Variants in CSMD1 observed in about 807,000 individuals in gnomAD.
The protein encoded by CSMD1 is CUB and sushi domain-containing protein 1.
Under a neutral mutation model 417.5 loss-of-function variants are expected in CSMD1, and 213 were observed. The observed-to-expected ratio is 0.51, with a 90% CI of 0.46 to 0.57. The LOEUF is 0.57. CSMD1 is among the 20% of genes least tolerant of loss of function. The pLI, the probability that CSMD1 is intolerant of heterozygous loss-of-function variation, is 0.00. For synonymous variants in CSMD1, 2,862 were observed against 1,736.8 expected (o/e 1.65, Z -16.11); for missense variants, 6,923 against 4,529.7 (o/e 1.53, Z -15.17).
intron 26 of CSMD1, among the ~76,000 whole-genome samples, chr8:3,250,194 A>G (rs1052974287): frequency 7.2e-5 from 11 of 152,262 alleles, no homozygotes; most frequent in African/African-American, 2.4e-4. Flanking sequence ...GTCTCCAAAT[A>G]CTATCCCTCC....
intron 40 of CSMD1, among the ~76,000 whole-genome samples, chr8:3,149,445 C>T (rs1257345926): frequency 6.6e-6 from 1 of 152,016 alleles, no homozygotes; most frequent in African/African-American, 2.4e-5. Flanking sequence ...CGTGCCAAAC[C>T]CTGCACTAAT....
intron 5 of CSMD1, among the ~76,000 whole-genome samples, chr8:3,773,759 C>G (rs976703420): frequency 2.6e-5 from 4 of 152,106 alleles, no homozygotes; most frequent in Admixed American, 6.5e-5. Flanking sequence ...GACACTAACC[C>G]AGAATAAATA....
chr8:4,901,966 A>G (rs1190308856), intron 1 of CSMD1, among the ~76,000 whole-genome samples: 1 of 152,192 alleles, frequency 6.6e-6, no homozygotes, highest in African/African-American at 2.4e-5. Context: ...TCAAATACCA[A>G]AGACATAATG....
chr8:3,690,587 A>G (rs1467709824), intron 7 of CSMD1, among the ~76,000 whole-genome samples: 1 of 152,178 alleles, frequency 6.6e-6, no homozygotes, highest in Non-Finnish European at 1.5e-5. Flanking sequence ...CATCAGTGAG[A>G]TGTGATTCAA....
intron 12 of CSMD1, among the ~76,000 whole-genome samples, chr8:3,430,129 A>T (rs1175388360): frequency 3.9e-5 from 6 of 152,244 alleles, no homozygotes; most frequent in African/African-American, 1.4e-4. Context: ...ACACACATAC[A>T]TATACATACA....
At chr8:3,894,102 C>A (rs900601619) in intron 5 of CSMD1, among the ~76,000 whole-genome samples, 7 of 152,186 alleles carry the variant, frequency 4.6e-5, no homozygotes, top group Non-Finnish European at 8.8e-5. Context: ...TCACGGTGTT[C>A]CGTCTATTCT....
rs188719664 is a variant in CSMD1, at chr8:2,953,277, T to C, written c.10039+947A>G. 1.7e-4 allele frequency among the ~76,000 whole-genome samples: 26 copies of C among 152,296 alleles called. 1 individual carries two copies. Among genetic ancestry groups the C allele is most frequent in the African/African-American group, 4.1e-4 (17 of 41,582 alleles). ...CATTTTATATTCTTTATTATTCAGA[T>C]TGGAGAAATTCCTTTCATCATATTG... On this transcript the variant is annotated intron_variant, in intron 65 of 69. Transcript: ENST00000635120.
intron 10 of CSMD1, among the ~76,000 whole-genome samples, chr8:3,532,094 C>A (rs747595338): frequency 3.3e-5 from 5 of 152,176 alleles, no homozygotes; most frequent in Non-Finnish European, 7.4e-5. Context: ...CCCCTACATT[C>A]CACTTTGAGA....
intron 1 of CSMD1, among the ~76,000 whole-genome samples, chr8:4,874,705 T>C (rs1802941327): frequency 6.6e-6 from 1 of 151,864 alleles, no homozygotes; most frequent in Admixed American, 6.6e-5. Context: ...TGAATTTACT[T>C]ATTTTTGAAT....
chr8:3,338,759 T>C (rs1032897165), intron 23 of CSMD1, among the ~76,000 whole-genome samples: 7 of 152,128 alleles, frequency 4.6e-5, no homozygotes, highest in Non-Finnish European at 1.0e-4. Context: ...AGTTGCCATA[T>C]GGAATTGTGG....
chr8:3,772,393 A>G (rs1267103029), intron 5 of CSMD1, among the ~76,000 whole-genome samples: 3 of 128,700 alleles, frequency 2.3e-5, no homozygotes, highest in Admixed American at 8.2e-5. Context: ...ATATTTATAT[A>G]TACACATATA....
chr8:2,997,957 G>A, intron 54 of CSMD1, 54 bp downstream of exon 54: 1 of 1,533,404 alleles, frequency 6.5e-7, no homozygotes, highest in Middle Eastern at 2.2e-4. Context: ...GGTGTTACTG[G>A]GCAGCCTAGA....
intron 3 of CSMD1, among the ~76,000 whole-genome samples, chr8:4,262,040 T>C (rs1488042080): frequency 1.3e-5 from 2 of 152,228 alleles, no homozygotes; most frequent in Admixed American, 6.5e-5. Context: ...TTCCTTATTA[T>C]TGTCCCATAT....
chr8:3,312,689 G>C lies in CSMD1; in HGVS notation c.3632-4186C>G, dbSNP rs186415029. On this transcript the variant is annotated intron_variant, in intron 23 of 69. Coordinates refer to ENST00000635120, the MANE Select transcript of CSMD1 (RefSeq NM_033225.6). ...CCTAGAAATCTGAAGCTTCTACTTC[G>C]TGTCACTTGCGCCGTGAACCAGCTT... Among the ~76,000 whole-genome samples the C allele has an allele frequency of 3.3e-3, 499 of 152,226 alleles. 2 individuals are homozygous for C. Among genetic ancestry groups the C allele is most frequent in the Non-Finnish European group, 5.5e-3 (373 of 68,024 alleles).
intron 52 of CSMD1, among the ~76,000 whole-genome samples, chr8:3,009,534 G>C (rs606218): frequency 0.12 from 17,856 of 152,042 alleles, 2,952 homozygotes; most frequent in African/African-American, 0.37. Context: ...AGGTGCATCA[G>C]ATTCACTTAT....
chr8:4,066,555 G>A (rs1008160392), intron 3 of CSMD1, among the ~76,000 whole-genome samples: 2 of 152,128 alleles, frequency 1.3e-5, no homozygotes, highest in Non-Finnish European at 2.9e-5. Flanking sequence ...TACCATTAAA[G>A]ACTTGTTACA....
rs192882832 is a variant in CSMD1 at position 4,891,840 on chromosome 8, A to G, written c.85+102492T>C. On this transcript the variant is annotated intron_variant, in intron 1 of 69. Coordinates refer to ENST00000635120, the MANE Select transcript of CSMD1 (RefSeq NM_033225.6). Reference sequence around the variant, plus strand: ...TGCATTTACATTATTTGTGTAGACTATACACCTTGTATTATCCATTGATTG... The same window carrying G: ...TGCATTTACATTATTTGTGTAGACTGTACACCTTGTATTATCCATTGATTG... Among the ~76,000 whole-genome samples, 11 of 152,242 alleles carry G rather than the reference A, an allele frequency of 7.2e-5. No homozygotes were observed. The East Asian group carries it at 1.9e-3, about 27-fold the overall frequency.
chr8:4,600,685 A>T (rs1181476349), intron 2 of CSMD1, among the ~76,000 whole-genome samples: 1 of 152,168 alleles, frequency 6.6e-6, no homozygotes, highest in Non-Finnish European at 1.5e-5. Context: ...ATTTCACAAA[A>T]ATAGGGGAAT....
At chr8:3,805,907 G>T (rs560859391) in intron 5 of CSMD1, among the ~76,000 whole-genome samples, 1 of 152,016 alleles carries the variant, frequency 6.6e-6, no homozygotes, top group Non-Finnish European at 1.5e-5. Context: ...TTCTTGTAGT[G>T]GACATGCTCA....
Sources: gnomAD v4.1 joint callset for allele counts (sites outside exome capture counted in the v4.1 genomes callset) on GRCh38, gnomAD v4.1.1 for gene constraint, MANE v1.5 for transcripts, NCBI Gene and HGNC (gene_info 2026-07-23, HGNC 2026-07-21) for gene names.